ARSG: variants seen among roughly 807,000 people sequenced by gnomAD.
ARSG encodes the protein ASG.
A neutral mutation model predicts 50.5 loss-of-function variants in ARSG; 37 were observed. The ratio of observed to expected loss-of-function variants is 0.73; its 90% CI spans 0.56 to 0.96. The LOEUF (loss-of-function observed/expected upper bound fraction) is 0.96. Among genes scored for constraint, ARSG ranks in the 50% least tolerant of loss-of-function variants. ARSG has a pLI of 0.00. For missense variants in ARSG, 629 were observed against 675.3 expected (o/e 0.93, Z 0.76); for synonymous variants, 225 against 254.6 (o/e 0.88, Z 1.11).
downstream of ARSG, chr17:68,424,353 C>T (rs1208951459): frequency 2.0e-6 from 1 of 494,908 alleles, no homozygotes; most frequent in African/African-American, 2.0e-5. Flanking sequence ...GCATGCAGGG[C>T]CCCACCGCAG....
intron 1 of ARSG, among the ~76,000 whole-genome samples, chr17:68,296,934 G>A (rs527435127): frequency 6.6e-6 from 1 of 152,350 alleles, no homozygotes; most frequent in African/African-American, 2.4e-5. Flanking sequence ...GGGGAATGAT[G>A]AGATGAAGCT....
intron 9 of ARSG, among the ~76,000 whole-genome samples, chr17:68,390,865 G>A (rs1055544032): frequency 1.7e-4 from 25 of 151,184 alleles, no homozygotes; most frequent in African/African-American, 4.1e-4. Context: ...GACCTCAGGT[G>A]ATTCACCCTC....
At chr17:68,419,054 G>A (rs924743986) in intron 11 of ARSG, among the ~76,000 whole-genome samples, 1 of 148,264 alleles carries the variant, frequency 6.7e-6, no homozygotes, top group Non-Finnish European at 1.5e-5. Context: ...ATCATAAAGA[G>A]CCAAGGAAGC....
intron 6 of ARSG, among the ~76,000 whole-genome samples, chr17:68,360,835 T>C (rs1298658526): frequency 6.6e-6 from 1 of 152,122 alleles, no homozygotes. Context: ...CTTAGTTTTC[T>C]TTTTTTGAGA....
At chr17:68,373,049 G>A (rs2885405) in intron 8 of ARSG, among the ~76,000 whole-genome samples, 33,241 of 148,936 alleles carry the variant, frequency 0.22, 4,839 homozygotes, top group African/African-American at 0.42. Flanking sequence ...GTGCCACCAC[G>A]CTCAGCTAAT....
chr17:68,289,728 T>G (rs1241729250), upstream of ARSG, among the ~76,000 whole-genome samples: 1 of 152,202 alleles, frequency 6.6e-6, no homozygotes, highest in African/African-American at 2.4e-5. Context: ...TTTACAAGAC[T>G]ATGGTGTTGA....
chr17:68,449,184 G>C, the ARSG span, among the ~76,000 whole-genome samples: 3 of 152,224 alleles, frequency 2.0e-5, no homozygotes, highest in Non-Finnish European at 4.4e-5. Context: ...TAATTGAATA[G>C]ATAAATCTGC....
intron 1 of ARSG, among the ~76,000 whole-genome samples, chr17:68,270,413 G>T (rs1418344817): frequency 6.6e-6 from 1 of 152,128 alleles, no homozygotes; most frequent in Non-Finnish European, 1.5e-5. Context: ...AATTAGCCAG[G>T]CGTGGTGGTG....
chr17:68,424,259 T>C (rs1007367299), downstream of ARSG, among the ~76,000 whole-genome samples: 1 of 152,164 alleles, frequency 6.6e-6, no homozygotes, highest in Admixed American at 6.5e-5. Flanking sequence ...AACCTGCCTA[T>C]TGAAAGCCAG....
intron 1 of ARSG, among the ~76,000 whole-genome samples, chr17:68,275,915 G>A (rs59943304): frequency 1.2e-4 from 18 of 151,368 alleles, no homozygotes; most frequent in Non-Finnish European, 1.5e-4. Context: ...CCTGGGAGGC[G>A]GAGGTTGCAG....
chr17:68,316,349 ATCT>A (rs1295344203), intron 2 of ARSG, among the ~76,000 whole-genome samples: 3 of 152,136 alleles, frequency 2.0e-5, no homozygotes, highest in South Asian at 4.1e-4. Flanking sequence ...TGTTGAAATG[ATCT>A]TCTTTGTTTA....
intron 1 of ARSG, among the ~76,000 whole-genome samples, chr17:68,280,525 G>C (rs1169025227): frequency 6.6e-6 from 1 of 152,204 alleles, no homozygotes; most frequent in Admixed American, 6.5e-5. Context: ...AGGTGCCAAA[G>C]ACATTCATTG....
At chr17:68,427,242 G>C (rs1456165566), downstream of ARSG, 3 of 1,613,822 alleles carry the variant, frequency 1.9e-6, no homozygotes, top group African/African-American at 4.0e-5. Flanking sequence ...TGTTGTTCCT[G>C]AGCCAAGCAA....
rs1382618977 is a variant in ARSG, at chr17:68,399,275, C to G, written c.1213-2085C>G. Among the ~76,000 whole-genome samples, 1 of 152,158 alleles carries G rather than the reference C, an allele frequency of 6.6e-6. No homozygotes were observed. Among genetic ancestry groups the G allele is most frequent in the Non-Finnish European group, 1.5e-5 (1 of 68,024 alleles). On this transcript the variant is annotated intron_variant, in intron 10 of 11. Coordinates refer to ENST00000621439, the MANE Select transcript of ARSG (RefSeq NM_001267727.2). This position sits in a 1 kb window ranked among gnomAD's most constrained non-coding sequence, Gnocchi z 4.6. ...GGCGTGGCTGGCAAACTGACCACCC[C>G]CATCCACCCCCTTTGGAGGCTGTAG...
At chr17:68,363,745 G>T (rs561327836) in intron 6 of ARSG, among the ~76,000 whole-genome samples, 1 of 152,304 alleles carries the variant, frequency 6.6e-6, no homozygotes, top group South Asian at 2.1e-4. Flanking sequence ...GGGATTACAG[G>T]CGTGAGCCAT....
intron 2 of ARSG, among the ~76,000 whole-genome samples, chr17:68,320,095 T>G (rs2077220788): frequency 6.6e-6 from 1 of 152,146 alleles, no homozygotes; most frequent in Non-Finnish European, 1.5e-5. Flanking sequence ...GAGACCAGCC[T>G]GGGCAACACG....
At chr17:68,331,605 G>A (rs141126898) in intron 2 of ARSG, among the ~76,000 whole-genome samples, 223 of 152,218 alleles carry the variant, frequency 1.5e-3, no homozygotes, top group African/African-American at 5.2e-3. Context: ...CAGACAATCC[G>A]CCTACCTCGG....
At chr17:68,274,078 G>A (rs781845905) in intron 1 of ARSG, 1 of 1,611,048 alleles carries the variant, frequency 6.2e-7, no homozygotes, top group South Asian at 1.1e-5. Flanking sequence ...GAGCTGCCGG[G>A]AAAGAACAAA....
At chr17:68,262,097 A>G (rs1255671823) in intron 1 of ARSG, among the ~76,000 whole-genome samples, 1 of 150,310 alleles carries the variant, frequency 6.7e-6, no homozygotes, top group Non-Finnish European at 1.5e-5. Context: ...CGGAGGTTGC[A>G]GTGAGGCGAG....
Sources: gnomAD v4.1 joint callset for allele counts (sites outside exome capture counted in the v4.1 genomes callset) on GRCh38, gnomAD v4.1.1 for gene constraint, Gnocchi (gnomAD v3.1) non-coding constraint, MANE v1.5 for transcripts, NCBI Gene and HGNC (gene_info 2026-07-23, HGNC 2026-07-21) for gene names.